The following SGCZ variants were observed in gnomAD, a reference collection of about 807,000 sequenced individuals.
SGCZ encodes the protein zeta-sarcoglycan.
In SGCZ, 40 loss-of-function variants were observed where a neutral mutation model predicts 41.3. The observed-to-expected ratio is 0.97, with a 90% CI of 0.75 to 1.26. The LOEUF is 1.26. Among genes scored for constraint, SGCZ ranks in the 50% most tolerant of loss-of-function variants. The pLI, the probability that SGCZ is intolerant of heterozygous loss-of-function variation, is 0.00. For missense variants in SGCZ, 552 were observed against 369.8 expected, an observed-to-expected ratio of 1.49 and a Z score of -4.04; for synonymous variants, 206 against 137.5, an observed-to-expected ratio of 1.50 and a Z score of -3.49.
intron 1 of SGCZ, among the ~76,000 whole-genome samples, chr8:14,634,268 G>GAA (rs1806754824): frequency 6.6e-6 from 1 of 151,648 alleles, no homozygotes; most frequent in African/African-American, 2.4e-5. Context: ...ATTTTGAATT[G>GAA]GGGGGAAAAC....
chr8:14,882,614 G>A (rs1349463618), intron 1 of SGCZ, among the ~76,000 whole-genome samples: 3 of 152,128 alleles, frequency 2.0e-5, no homozygotes, highest in African/African-American at 7.2e-5. Flanking sequence ...CAATCACTCA[G>A]ATAGCAATTC....
At chr8:14,981,529 T>G (rs1265884800) in intron 1 of SGCZ, among the ~76,000 whole-genome samples, 1 of 152,160 alleles carries the variant, frequency 6.6e-6, no homozygotes, top group East Asian at 1.9e-4. Context: ...AGCATGAAAT[T>G]TCCTTAACCA....
intron 1 of SGCZ, among the ~76,000 whole-genome samples, chr8:14,865,284 G>A (rs969213682): frequency 1.3e-5 from 2 of 151,888 alleles, no homozygotes; most frequent in Non-Finnish European, 2.9e-5. Context: ...AACTCTGCTG[G>A]AACTCTCAGA....
intron 1 of SGCZ, among the ~76,000 whole-genome samples, chr8:15,156,661 C>G (rs576923119): frequency 1.3e-5 from 2 of 152,142 alleles, no homozygotes; most frequent in African/African-American, 4.8e-5. Flanking sequence ...AAGCACTTCT[C>G]GGCCAGGCGC....
intron 2 of SGCZ, among the ~76,000 whole-genome samples, chr8:14,325,913 C>G (rs1802089841): frequency 6.8e-6 from 1 of 146,938 alleles, no homozygotes; most frequent in Admixed American, 6.8e-5. Context: ...GAGATCAAGA[C>G]CATTCTGGCT....
intron 1 of SGCZ, among the ~76,000 whole-genome samples, chr8:14,668,936 ATG>A (rs10585789): frequency 0.55 from 82,349 of 151,008 alleles, 23,919 homozygotes; most frequent in East Asian, 0.74. Flanking sequence ...GTGTGTGTGT[ATG>A]TGTGTGTGTG....
intron 1 of SGCZ, among the ~76,000 whole-genome samples, chr8:14,936,278 G>A (rs1361018186): frequency 2.0e-5 from 3 of 151,856 alleles, no homozygotes; most frequent in Non-Finnish European, 4.4e-5. Context: ...ATCATAATTT[G>A]AAAATACCCT....
At chr8:14,489,661 A>C (rs1801784188) in intron 2 of SGCZ, among the ~76,000 whole-genome samples, 1 of 151,964 alleles carries the variant, frequency 6.6e-6, no homozygotes, top group Non-Finnish European at 1.5e-5. Context: ...TGAAATTGGC[A>C]TATTTCTTTC....
chr8:14,843,040 C>G (rs560354439), intron 1 of SGCZ, among the ~76,000 whole-genome samples: 7 of 152,136 alleles, frequency 4.6e-5, no homozygotes, highest in African/African-American at 1.7e-4. Flanking sequence ...TGGTGAAACC[C>G]CATCTCTACT....
chr8:14,849,525 T>A (rs1718081338), intron 1 of SGCZ, among the ~76,000 whole-genome samples: 1 of 152,096 alleles, frequency 6.6e-6, no homozygotes, highest in South Asian at 2.1e-4. Context: ...GATCTCAAAA[T>A]AATTAGCCAG....
intron 1 of SGCZ, among the ~76,000 whole-genome samples, chr8:14,668,240 G>T (rs1032368408): frequency 3.3e-5 from 5 of 152,062 alleles, no homozygotes; most frequent in Admixed American, 6.6e-5. Flanking sequence ...GATTACAGGC[G>T]TGAGCCACCG....
intron 2 of SGCZ, among the ~76,000 whole-genome samples, chr8:14,353,819 A>G (rs1803188811): frequency 6.6e-6 from 1 of 152,062 alleles, no homozygotes; most frequent in Non-Finnish European, 1.5e-5. Context: ...AAGGATGATA[A>G]ATAATTTTAA....
At chr8:14,865,582 C>T (rs1470996101) in intron 1 of SGCZ, among the ~76,000 whole-genome samples, 1 of 152,104 alleles carries the variant, frequency 6.6e-6, no homozygotes, top group Non-Finnish European at 1.5e-5. Flanking sequence ...GTTTTGCATT[C>T]TCCACGAATT....
chr8:14,101,146 AG>A (rs1237897603), intron 7 of SGCZ, among the ~76,000 whole-genome samples: 10 of 152,292 alleles, frequency 6.6e-5, no homozygotes, highest in Admixed American at 5.2e-4. Flanking sequence ...TGAGACTGCT[AG>A]ACATTAAAAA....
At chr8:14,755,873 A>G (rs1259258166) in intron 1 of SGCZ, among the ~76,000 whole-genome samples, 9 of 152,254 alleles carry the variant, frequency 5.9e-5, no homozygotes, top group Admixed American at 4.6e-4. Flanking sequence ...CTAAAAAAAA[A>G]GTAAAAATAA....
intron 1 of SGCZ, among the ~76,000 whole-genome samples, chr8:15,216,547 C>T (rs561289092): frequency 5.3e-5 from 8 of 151,872 alleles, no homozygotes; most frequent in Middle Eastern, 3.4e-3. Flanking sequence ...GGATGTTGGA[C>T]GTAACAAAGA....
chr8:14,309,002 C>A, intron 3 of SGCZ: 5 of 989,590 alleles, frequency 5.1e-6, no homozygotes, highest in South Asian at 4.8e-5. Flanking sequence ...CCGCACCCGG[C>A]CTCAGCCTCA....
At chr8:14,100,762 C>G (rs533551080) in intron 7 of SGCZ, among the ~76,000 whole-genome samples, 2 of 151,690 alleles carry the variant, frequency 1.3e-5, no homozygotes, top group African/African-American at 4.8e-5. Context: ...GAATTAATAA[C>G]TGAGATAAAA....
At chr8:14,967,953 T>C (rs1437879200) in intron 1 of SGCZ, among the ~76,000 whole-genome samples, 1 of 152,156 alleles carries the variant, frequency 6.6e-6, no homozygotes, top group African/African-American at 2.4e-5. Flanking sequence ...TTTTCACATA[T>C]AAAGTGTTCA....
Sources: gnomAD v4.1 joint callset for allele counts (sites outside exome capture counted in the v4.1 genomes callset) on GRCh38, gnomAD v4.1.1 for gene constraint, MANE v1.5 for transcripts, NCBI Gene and HGNC (gene_info 2026-07-23, HGNC 2026-07-21) for gene names.